RBM33: variants seen among roughly 807,000 people sequenced by gnomAD.
The protein encoded by RBM33 is RNA-binding protein 33.
A neutral mutation model predicts 132.6 loss-of-function variants in RBM33; 28 were observed. The observed-to-expected ratio is 0.21, with a 90% CI of 0.16 to 0.29. The LOEUF is 0.29. RBM33 is among the 10% of genes least tolerant of loss of function. RBM33 has a pLI of 1.00. For missense variants in RBM33, 1,291 were observed against 1,518.5 expected (o/e 0.85, Z 2.49); for synonymous variants, 634 against 593.0 (o/e 1.07, Z -1.01).
chr7:155,763,288 A>C (rs1388652672), intron 14 of RBM33, among the ~76,000 whole-genome samples: 1 of 152,236 alleles, frequency 6.6e-6, no homozygotes, highest in Non-Finnish European at 1.5e-5. Context: ...GAGTATTTGA[A>C]GTTCACGTAT....
chr7:155,719,679 C>T (rs937508297), intron 9 of RBM33, among the ~76,000 whole-genome samples: 7 of 152,148 alleles, frequency 4.6e-5, no homozygotes, highest in African/African-American at 1.7e-4. Context: ...TGATTTTAGT[C>T]ATTGAATACA....
At chr7:155,747,032 G>A (rs1178382778) in intron 14 of RBM33, among the ~76,000 whole-genome samples, 19 of 152,068 alleles carry the variant, frequency 1.2e-4, no homozygotes, top group Admixed American at 1.2e-3. Flanking sequence ...TTTATTTCTA[G>A]GTTTGTAGAA....
intron 14 of RBM33, among the ~76,000 whole-genome samples, chr7:155,755,867 C>G (rs1801832602): frequency 6.6e-6 from 1 of 151,860 alleles, no homozygotes; most frequent in African/African-American, 2.4e-5. Context: ...ATTCCCTAAG[C>G]TTACTTAATT....
At chr7:155,767,955 T>C (rs1381553467) in intron 16 of RBM33, among the ~76,000 whole-genome samples, 2 of 152,246 alleles carry the variant, frequency 1.3e-5, no homozygotes, top group Non-Finnish European at 2.9e-5. Flanking sequence ...CCAGTAACTG[T>C]GTAGCAGTGA....
chr7:155,674,266 G>A (rs76162853), intron 3 of RBM33, among the ~76,000 whole-genome samples: 2,927 of 152,084 alleles, frequency 0.019, 98 homozygotes, highest in African/African-American at 0.068. Context: ...GTAGTGTGAC[G>A]TCTGGAGTGT....
At chr7:155,741,630 A>G (rs1417637680) in intron 12 of RBM33, among the ~76,000 whole-genome samples, 189 bp from the exon 13 acceptor site, 1 of 152,246 alleles carries the variant, frequency 6.6e-6, no homozygotes, top group Non-Finnish European at 1.5e-5. Context: ...AGGATGAGGC[A>G]TGCTGCCACA....
chr7:155,749,825 T>C (rs1204272933), intron 14 of RBM33, among the ~76,000 whole-genome samples: 1 of 152,262 alleles, frequency 6.6e-6, no homozygotes, highest in African/African-American at 2.4e-5. Context: ...TATTGTGTCC[T>C]GGTTAAGAAT....
intron 15 of RBM33, among the ~76,000 whole-genome samples, chr7:155,764,612 C>G (rs11768682): frequency 6.6e-5 from 10 of 152,318 alleles, no homozygotes; most frequent in Middle Eastern, 3.4e-3. Flanking sequence ...CATCCTGTCA[C>G]GTACGCAAGT....
At chr7:155,732,749 G>A (rs1049375907) in intron 9 of RBM33, among the ~76,000 whole-genome samples, 2 of 152,226 alleles carry the variant, frequency 1.3e-5, no homozygotes, top group Admixed American at 6.5e-5. Flanking sequence ...CAAGGATGCC[G>A]AGGGCCTTGC....
chr7:155,727,832 C>T (rs924883445), intron 9 of RBM33, among the ~76,000 whole-genome samples: 3 of 152,332 alleles, frequency 2.0e-5, no homozygotes, highest in South Asian at 2.1e-4. Flanking sequence ...GTGGTGTGAT[C>T]GCAGCTCGCT....
chr7:155,676,108 A>G (rs868244964), intron 3 of RBM33, among the ~76,000 whole-genome samples: 1 of 152,192 alleles, frequency 6.6e-6, no homozygotes, highest in African/African-American at 2.4e-5. Flanking sequence ...CACGAAATGC[A>G]CAATGATGAG....
chr7:155,646,269 A>G (rs1186885830), intron 1 of RBM33, among the ~76,000 whole-genome samples: 1 of 152,170 alleles, frequency 6.6e-6, no homozygotes, highest in Non-Finnish European at 1.5e-5. Context: ...GTATTCTTTT[A>G]CGTTTCTCAT....
intron 14 of RBM33, among the ~76,000 whole-genome samples, chr7:155,747,441 G>A (rs911311659): frequency 5.3e-5 from 8 of 152,232 alleles, no homozygotes; most frequent in African/African-American, 9.6e-5. Flanking sequence ...AATGGCCGAT[G>A]TAGAGGGCTG....
At chr7:155,760,523 T>C (rs912686837) in intron 14 of RBM33, among the ~76,000 whole-genome samples, 1 of 152,164 alleles carries the variant, frequency 6.6e-6, no homozygotes, top group African/African-American at 2.4e-5. Context: ...AGAGGAGGAA[T>C]GTTTTCAGTG....
chr7:155,692,223 A>T (rs1414344053), intron 5 of RBM33, among the ~76,000 whole-genome samples: 1 of 152,040 alleles, frequency 6.6e-6, no homozygotes, highest in African/African-American at 2.4e-5. Context: ...GAAAATGGAG[A>T]ATTTTAACCT....
chr7:155,649,852 C>T (rs1021109142), intron 1 of RBM33, among the ~76,000 whole-genome samples: 8 of 152,222 alleles, frequency 5.3e-5, no homozygotes, highest in African/African-American at 1.9e-4. Flanking sequence ...CTTCATTGCT[C>T]ATCCAGGCCA....
At chr7:155,739,596 A>G in intron 11 of RBM33, 119 bp from the exon 12 acceptor site, 2 of 1,100,224 alleles carry the variant, frequency 1.8e-6, no homozygotes, top group Non-Finnish European at 2.5e-6. Flanking sequence ...TCTAAAATGA[A>G]GTTTTGGTAT....
chr7:155,751,055 C>T (rs1328568251), intron 14 of RBM33, among the ~76,000 whole-genome samples: 1 of 152,136 alleles, frequency 6.6e-6, no homozygotes, highest in Non-Finnish European at 1.5e-5. Context: ...TTCTTCCCTT[C>T]CTACCTTCTC....
rs3080619 is a variant in RBM33 at position 155,661,146 on chromosome 7, AT to A, written c.44-4016del. Among the ~76,000 whole-genome samples the A allele has an allele frequency of 1.5e-3, 125 of 81,184 alleles. 1 individual carries two copies. Among genetic ancestry groups the A allele is most frequent in the Middle Eastern group, 0.017 (2 of 116 alleles). The allele number at this position is 81,184 out of a possible 152,430, so 53.3% of individuals were successfully genotyped here. On this transcript the variant is annotated intron_variant, in intron 1 of 17. Coordinates refer to ENST00000401878, the MANE Select transcript of RBM33 (RefSeq NM_053043.3). ...TGTGTGTGTGTATATATATATATAT[AT>A]TTTTTTTTTTTTGAGACAGAGTCTC... is the stretch of plus-strand genomic sequence containing the variant.
Sources: gnomAD v4.1 joint callset for allele counts (sites outside exome capture counted in the v4.1 genomes callset) on GRCh38, gnomAD v4.1.1 for gene constraint, MANE v1.5 for transcripts, NCBI Gene and HGNC (gene_info 2026-07-23, HGNC 2026-07-21) for gene names.